The following SLC6A14 variants were observed in gnomAD, a reference collection of about 807,000 sequenced individuals.
SLC6A14 encodes the protein solute carrier family 6 member 14.
Under a neutral mutation model 51.4 loss-of-function variants are expected in SLC6A14, and 21 were observed. The ratio of observed to expected loss-of-function variants is 0.41; its 90% confidence interval spans 0.29 to 0.59. SLC6A14 has a LOEUF of 0.59. Among genes scored for constraint, SLC6A14 ranks in the 20% least tolerant of loss-of-function variants. SLC6A14 has a pLI of 0.31. For missense variants in SLC6A14, 371 were observed against 472.8 expected, an observed-to-expected ratio of 0.78 and a Z score of 2.00; for synonymous variants, 177 against 160.7, an observed-to-expected ratio of 1.10 and a Z score of -0.77.
At chrX:116,441,553 G>T (rs1927598117) in intron 3 of SLC6A14, among the ~76,000 whole-genome samples, 1 of 112,048 alleles carries the variant, frequency 8.9e-6, no homozygotes, top group Admixed American at 9.5e-5. Context: ...GCTCTTAATA[G>T]AATAGGACAC....
chrX:116,436,739 C>T lies in SLC6A14; in HGVS notation c.30C>T (p.Phe10=). The part of the protein sequence containing the change: MDKLKCPSF[F]KCREKEKVSA... ...ACAAGTTGAAATGCCCGAGTTTCTT[C>T]AAGTGCAGGGAGAAGGAGGTAGGGG... Residue 10 remains phenylalanine, a synonymous_variant, in exon 1 of 14, where the codon TTC becomes TTT. Coordinates refer to ENST00000598581, the MANE Select transcript of SLC6A14 (RefSeq NM_007231.5). 8.6e-7 allele frequency: 1 copy of T among 1,165,417 alleles called. No homozygotes were observed. Among genetic ancestry groups the T allele is most frequent in the South Asian group, 1.9e-5 (1 of 52,344 alleles).
At chrX:116,455,856 T>A (rs1162677748) in intron 12 of SLC6A14, among the ~76,000 whole-genome samples, 3 of 111,367 alleles carry the variant, frequency 2.7e-5, no homozygotes, top group African/African-American at 9.7e-5. Flanking sequence ...AAGGCCCAGA[T>A]CCTCTCTTCA....
chrX:116,458,776 C>T, intron 13 of SLC6A14, 33 bp from the exon 14 acceptor site: 1 of 1,140,968 alleles, frequency 8.8e-7, no homozygotes, highest in Non-Finnish European at 1.2e-6. Flanking sequence ...CACTTAAATT[C>T]TAAGACAATG....
At chrX:116,455,269 T>C in intron 11 of SLC6A14, 88 bp from the exon 12 acceptor site, 1 of 778,043 alleles carries the variant, frequency 1.3e-6, no homozygotes, top group Non-Finnish European at 1.9e-6. Flanking sequence ...TAGAGAAAAA[T>C]GTTTAGACAC....
At chrX:116,443,838 T>G (rs375388503) in intron 5 of SLC6A14, 48 bp downstream of exon 5, 2 of 990,859 alleles carry the variant, frequency 2.0e-6, no homozygotes, top group African/African-American at 3.9e-5. Context: ...ATCTTAAAAT[T>G]TGTACAAAAC....
intron 5 of SLC6A14, 151 bp from the exon 6 acceptor site, chrX:116,444,767 G>A: frequency 1.9e-6 from 1 of 525,000 alleles, no homozygotes; most frequent in Non-Finnish European, 3.1e-6. Flanking sequence ...CGTATTGATA[G>A]TATCTATCAA....
rs192284784 is a variant in SLC6A14 at position 116,451,411 on chromosome X, T to A, written c.931-31T>A. The stretch of plus-strand genomic sequence containing the variant: ...ACACAAATAAAAAATTGAGTATATG[T>A]TTTAAAATATTAAATTATTTTCTCT... On this transcript the variant is annotated intron_variant, in intron 7 of 13. Transcript: ENST00000598581. 629 of 1,025,784 alleles carry A rather than the reference T, an allele frequency of 6.1e-4. 4 individuals are homozygous for A. The African/African-American group carries it at 0.01, about 17-fold the overall frequency. 84.5% of individuals were successfully genotyped at this position (1,025,784 alleles called of 1,213,427 possible). A position where few individuals can be genotyped will look rare whatever the true frequency, so the allele number is the denominator to read the frequency against.
At chrX:116,441,361 G>A (rs1045325783) in intron 3 of SLC6A14, among the ~76,000 whole-genome samples, 18 of 112,070 alleles carry the variant, frequency 1.6e-4, no homozygotes, top group African/African-American at 5.8e-4. Context: ...TGGTTAGAAG[G>A]GTGTCATTAT....
rs1296799395 is a variant in SLC6A14 at position 116,459,013 on chromosome X, A to T, written c.*58A>T. On this transcript the variant is annotated 3_prime_UTR_variant, in exon 14 of 14. Transcript: ENST00000598581. ...TGTGATTTTTTTTAGAATAGGGGGA[A>T]CCTTATTTATTTGTGTGTTAACTGA... is the stretch of plus-strand genomic sequence containing the variant. 4.1e-6 allele frequency: 4 copies of T among 973,876 alleles called. No homozygotes were observed. The highest frequency in any genetic ancestry group is 5.6e-6 in the Non-Finnish European group (4 of 710,446). 80.3% of individuals were successfully genotyped at this position (973,876 alleles called of 1,213,427 possible).
chrX:116,445,163 G>A, intron 6 of SLC6A14, 113 bp downstream of exon 6: 3 of 732,436 alleles, frequency 4.1e-6, no homozygotes, highest in Non-Finnish European at 5.8e-6. Flanking sequence ...GCATTCAAAT[G>A]TGTGAAAAGC....
intron 7 of SLC6A14, among the ~76,000 whole-genome samples, chrX:116,449,842 A>G (rs1391564307): frequency 2.7e-5 from 3 of 112,048 alleles, no homozygotes; most frequent in Non-Finnish European, 5.6e-5. Flanking sequence ...TGATAATCCA[A>G]TTGATAGAAT....
chrX:116,454,885 T>G (rs184383459), intron 10 of SLC6A14, 92 bp from the exon 11 acceptor site: 7 of 666,252 alleles, frequency 1.1e-5, no homozygotes, highest in Non-Finnish European at 1.6e-5. Flanking sequence ...GGAGCATATG[T>G]CAAGATCAAA....
At position 116,451,434 on chromosome X, in the gene SLC6A14, T is replaced by A. The variant is rs1556694394; in HGVS notation, c.931-8T>A. On this transcript the variant is annotated splice_region_variant and splice_polypyrimidine_tract_variant and intron_variant, in intron 7 of 13. Coordinates refer to ENST00000598581, the MANE Select transcript of SLC6A14 (RefSeq NM_007231.5). ...TGTTTTAAAATATTAAATTATTTTC[T>A]CTTATAGGTATGGAAAGATGCTGCC... The A allele has an allele frequency of 3.5e-6, 4 of 1,154,197 alleles. No individual in the cohort carries two copies. The highest frequency in any genetic ancestry group is 4.7e-6 in the Non-Finnish European group (4 of 854,101).
Position 116,458,931 on chromosome X carries a change from T to C in SLC6A14, c.1905T>C (p.Val635=). The C allele has an allele frequency of 8.3e-7, 1 of 1,200,682 alleles. No homozygotes were observed. The highest frequency in any genetic ancestry group is 1.1e-6 in the Non-Finnish European group (1 of 890,564). ...KKEADHEIPT[V]SGSRKPE ...AGGCTGACCATGAAATACCTACTGT[T>C]AGTGGCAGCAGAAAACCGGAATGAG... Residue 635 remains valine (V), a synonymous_variant, in exon 14 of 14, where the codon GTT becomes GTC. Coordinates refer to ENST00000598581, the MANE Select transcript of SLC6A14 (RefSeq NM_007231.5).
intron 1 of SLC6A14, among the ~76,000 whole-genome samples, chrX:116,437,308 G>GT (rs3043424): frequency 0.13 from 14,337 of 108,340 alleles, 898 homozygotes; most frequent in African/African-American, 0.24. Context: ...ATAGATTCTC[G>GT]TTTTTTTTTC....
chrX:116,440,906 C>A lies in SLC6A14; in HGVS notation c.215-60C>A. The A allele has an allele frequency of 3.4e-6, 4 of 1,167,687 alleles. No individual in the cohort carries two copies. The East Asian group carries it at 1.2e-4, about 35-fold the overall frequency. On this transcript the variant is annotated intron_variant, in intron 2 of 13. Coordinates refer to ENST00000598581, the MANE Select transcript of SLC6A14 (RefSeq NM_007231.5). Reference sequence around the variant, plus strand: ...GCTTTTAAAGTGTTATGCTGGTTGTCAAAGTGCCATCAAGACTTCGAGCTG... The same window carrying A: ...GCTTTTAAAGTGTTATGCTGGTTGTAAAAGTGCCATCAAGACTTCGAGCTG...
At position 116,461,437 on chromosome X, in the gene SLC6A14, A is replaced by C. The variant is rs1469594345; in HGVS notation, c.*2482A>C. 4.7e-6 allele frequency: 1 copy of C among 214,323 alleles called. No individual in the cohort carries two copies. Among genetic ancestry groups the C allele is most frequent in the Non-Finnish European group, 8.3e-6 (1 of 120,140 alleles). 17.7% of individuals were successfully genotyped at this position (214,323 alleles called of 1,213,427 possible). On this transcript the variant is annotated 3_prime_UTR_variant, in exon 14 of 14. Transcript: ENST00000598581. ...TGAAAACTTTTTCACAGTTGAGTGA[A>C]ATTAAAATCACTATATCTCAACTAG...
Position 116,457,710 on chromosome X carries a change from C to T in SLC6A14, c.1716C>T (p.Phe572=), listed in dbSNP as rs782093417. The T allele has an allele frequency of 8.3e-7, 1 of 1,203,516 alleles. No homozygotes were observed. The highest frequency in any genetic ancestry group is 1.1e-6 in the Non-Finnish European group (1 of 888,414). ...GVALGWCMIV[F]CIIWIPIMAI... is the part of the protein sequence containing the mutation. Reference sequence around the variant, plus strand: ...CTTTAGGCTGGTGTATGATTGTTTTCTGCATTATTTGGATTCCAATTATGG... The same window carrying T: ...CTTTAGGCTGGTGTATGATTGTTTTTTGCATTATTTGGATTCCAATTATGG... Residue 572 remains phenylalanine (F), a synonymous_variant, in exon 13 of 14, where the codon TTC becomes TTT. Transcript: ENST00000598581.
At chrX:116,450,675 G>A (rs1283329000) in intron 7 of SLC6A14, among the ~76,000 whole-genome samples, 2 of 112,051 alleles carry the variant, frequency 1.8e-5, no homozygotes, top group African/African-American at 3.2e-5. Context: ...GGTTGCTCAC[G>A]CCTGTAATCC....
Sources: gnomAD v4.1 joint callset for allele counts (sites outside exome capture counted in the v4.1 genomes callset) on GRCh38, gnomAD v4.1.1 for gene constraint, MANE v1.5 for transcripts, NCBI Gene and HGNC (gene_info 2026-07-23, HGNC 2026-07-21) for gene names.